OXR1: variants seen among roughly 807,000 people sequenced by gnomAD.
OXR1 encodes the protein oxidation resistance protein 1.
Under a neutral mutation model 104.6 loss-of-function variants are expected in OXR1, and 41 were observed. The observed-to-expected ratio is 0.39, with a 90% CI of 0.31 to 0.51. The LOEUF (loss-of-function observed/expected upper bound fraction) is 0.51. Among genes scored for constraint, OXR1 ranks in the 20% least tolerant of loss-of-function variants. The pLI is 0.77. For synonymous variants in OXR1, 348 were observed against 348.4 expected (o/e 1.00, Z 0.01); for missense variants, 955 against 1,031.9 (o/e 0.93, Z 1.02).
chr8:106,373,554 G>C (rs1237157763), intron 2 of OXR1, among the ~76,000 whole-genome samples: 1 of 152,016 alleles, frequency 6.6e-6, no homozygotes, highest in Non-Finnish European at 1.5e-5. Context: ...GTAAAATATG[G>C]TTTCTTCTAT....
intron 2 of OXR1, among the ~76,000 whole-genome samples, chr8:106,506,943 G>T (rs907368152): frequency 9.3e-5 from 14 of 151,254 alleles, no homozygotes; most frequent in Middle Eastern, 3.4e-3. Flanking sequence ...AAAAAAAAAA[G>T]TTGGGCACAG....
chr8:106,327,573 G>A (rs1030767091), intron 1 of OXR1, among the ~76,000 whole-genome samples: 13 of 152,036 alleles, frequency 8.6e-5, no homozygotes, highest in Admixed American at 1.3e-4. Context: ...ATTGTAATGC[G>A]TCTTGCTAAA....
chr8:106,272,669 G>C (rs1209080111), intron 1 of OXR1: 2 of 152,210 alleles, frequency 1.3e-5, no homozygotes, highest in Non-Finnish European at 2.9e-5. Context: ...TGTGACAGTG[G>C]CTGGCTGAGT....
chr8:106,412,717 A>G (rs933872157), intron 2 of OXR1, among the ~76,000 whole-genome samples: 4 of 152,108 alleles, frequency 2.6e-5, no homozygotes, highest in Non-Finnish European at 5.9e-5. Context: ...AGCAGACTGC[A>G]TTTTATTTCT....
At position 106,750,843 on chromosome 8, in the gene OXR1, C is replaced by T. The variant is rs935419992; in HGVS notation, c.2524C>T (p.His842Tyr). The T allele has an allele frequency of 6.2e-7, 1 of 1,608,716 alleles. No homozygotes were observed. Among genetic ancestry groups the T allele is most frequent in the Non-Finnish European group, 8.5e-7 (1 of 1,176,402 alleles). Residue 842 changes from histidine (H) to tyrosine (Y), a missense_variant, in exon 17 of 17, where the codon CAT (histidine) becomes TAT (tyrosine). Physicochemically the swap from His to Tyr is moderately conservative, Grantham distance 83. Coordinates refer to ENST00000517566, the MANE Select transcript of OXR1 (RefSeq NM_001198533.2). Reference protein sequence around the residue: ...FALWLDGDLYHGRSHSCKTFG... With the variant: ...FALWLDGDLYYGRSHSCKTFG... Reference sequence around the variant, plus strand: ...GCTTTGGCTTGATGGAGATCTCTACCATGGAAGAAGCCATTCTTGTAAAAC... The same window carrying T: ...GCTTTGGCTTGATGGAGATCTCTACTATGGAAGAAGCCATTCTTGTAAAAC...
At chr8:106,420,485 A>G (rs1476218590) in intron 2 of OXR1, among the ~76,000 whole-genome samples, 1 of 151,972 alleles carries the variant, frequency 6.6e-6, no homozygotes, top group Admixed American at 6.6e-5. Flanking sequence ...ATCGCTTTAA[A>G]ACATTGCTAT....
chr8:106,529,133 A>G (rs1052764371), intron 3 of OXR1, among the ~76,000 whole-genome samples: 8 of 152,208 alleles, frequency 5.3e-5, no homozygotes, highest in African/African-American at 1.9e-4. Flanking sequence ...TTGTGTAAGT[A>G]GCCAATATGG....
At chr8:106,438,620 C>A (rs1819670199) in intron 2 of OXR1, among the ~76,000 whole-genome samples, 3 of 152,016 alleles carry the variant, frequency 2.0e-5, no homozygotes. Flanking sequence ...TCATTTTTAT[C>A]ATCTGTAAAA....
intron 2 of OXR1, among the ~76,000 whole-genome samples, chr8:106,505,073 A>G (rs919644873): frequency 7.2e-5 from 11 of 152,220 alleles, no homozygotes; most frequent in Non-Finnish European, 1.2e-4. Context: ...AGATTTAAAA[A>G]TTGGTCCAGG....
intron 2 of OXR1, among the ~76,000 whole-genome samples, chr8:106,514,524 A>G (rs1812740744): frequency 6.6e-6 from 1 of 151,996 alleles, no homozygotes; most frequent in Non-Finnish European, 1.5e-5. Flanking sequence ...TTTGGTGAGG[A>G]GGGGGAGAAA....
At chr8:106,692,693 CTTTT>C (rs545065736) in intron 6 of OXR1, 31 bp from the exon 7 acceptor site, 4 of 1,127,846 alleles carry the variant, frequency 3.5e-6, no homozygotes, top group Non-Finnish European at 4.7e-6. Flanking sequence ...TTGTTTTCTG[CTTTT>C]TTTTTTCTTT....
chr8:106,610,995 C>CCA (rs1820772410), intron 3 of OXR1, among the ~76,000 whole-genome samples: 1 of 152,144 alleles, frequency 6.6e-6, no homozygotes, highest in Non-Finnish European at 1.5e-5. Context: ...GTTCCAGACA[C>CCA]TATTTTGGGT....
intron 3 of OXR1, among the ~76,000 whole-genome samples, chr8:106,666,673 T>C (rs1826369491): frequency 6.6e-6 from 1 of 152,200 alleles, no homozygotes; most frequent in Non-Finnish European, 1.5e-5. Context: ...AGGGGTATTA[T>C]GGTGAAACTG....
intron 2 of OXR1, among the ~76,000 whole-genome samples, chr8:106,361,289 A>T (rs879594097): frequency 5.3e-5 from 8 of 152,242 alleles, no homozygotes; most frequent in Admixed American, 3.3e-4. Context: ...GAATTCATCT[A>T]TGTGGAATTT....
At chr8:106,401,549 A>C (rs564527745) in intron 2 of OXR1, among the ~76,000 whole-genome samples, 2 of 152,252 alleles carry the variant, frequency 1.3e-5, no homozygotes, top group African/African-American at 4.8e-5. Flanking sequence ...GGTCTGACAA[A>C]GGCCTGGCAG....
intron 1 of OXR1, among the ~76,000 whole-genome samples, chr8:106,290,610 A>G (rs541557370): frequency 2.0e-5 from 3 of 152,332 alleles, no homozygotes; most frequent in Non-Finnish European, 4.4e-5. Flanking sequence ...AAAAACAAAT[A>G]ACCCCATTAA....
chr8:106,543,119 G>A (rs1285084339), intron 3 of OXR1, among the ~76,000 whole-genome samples: 1 of 152,122 alleles, frequency 6.6e-6, no homozygotes, highest in Non-Finnish European at 1.5e-5. Flanking sequence ...AGTCTACAGA[G>A]CAGAATTGAG....
chr8:106,555,928 G>GTATATATATATATA (rs371162000), intron 3 of OXR1, among the ~76,000 whole-genome samples: 285 of 142,512 alleles, frequency 2.0e-3, no homozygotes, highest in East Asian at 0.012. Context: ...GTATATATAT[G>GTATATATATATATA]TACATATATA....
At chr8:106,357,506 T>C (rs1271057331) in intron 1 of OXR1, among the ~76,000 whole-genome samples, 4 of 152,178 alleles carry the variant, frequency 2.6e-5, no homozygotes, top group African/African-American at 9.6e-5. Context: ...TTAGAATTCA[T>C]TAAAATCATG....
Sources: gnomAD v4.1 joint callset for allele counts (sites outside exome capture counted in the v4.1 genomes callset) on GRCh38, gnomAD v4.1.1 for gene constraint, MANE v1.5 for transcripts, NCBI Gene and HGNC (gene_info 2026-07-23, HGNC 2026-07-21) for gene names.